Variants in FGGY observed in about 807,000 individuals in gnomAD.
FGGY encodes FGGY carbohydrate kinase domain containing.
FGGY carries 72 observed loss-of-function variants against 71.3 expected under a neutral mutation model. The observed-to-expected ratio is 1.01, with a 90% CI of 0.84 to 1.23. The LOEUF (loss-of-function observed/expected upper bound fraction) is 1.23. Among genes scored for constraint, FGGY ranks in the 50% most tolerant of loss-of-function variants. FGGY has a pLI of 0.00. For synonymous variants in FGGY, 251 were observed against 250.3 expected (o/e 1.00, Z -0.02); for missense variants, 668 against 682.3 (o/e 0.98, Z 0.23).
chr1:59,645,678 G>A (rs1450192937), intron 11 of FGGY, among the ~76,000 whole-genome samples: 1 of 152,072 alleles, frequency 6.6e-6, no homozygotes, highest in Non-Finnish European at 1.5e-5. Flanking sequence ...AATTGGCGTG[G>A]CCTTTGTTTT....
At chr1:59,687,402 G>A (rs995332769) in intron 14 of FGGY, among the ~76,000 whole-genome samples, 18 of 151,986 alleles carry the variant, frequency 1.2e-4, no homozygotes, top group African/African-American at 3.6e-4. Context: ...GTCTGCTGTC[G>A]GTAACCTCTG....
At chr1:59,651,921 T>G (rs2097166134) in intron 11 of FGGY, among the ~76,000 whole-genome samples, 4 of 152,140 alleles carry the variant, frequency 2.6e-5, no homozygotes, top group Admixed American at 1.3e-4. Context: ...TAGTGGTTCC[T>G]TCAGGAGCTC....
At chr1:59,349,148 G>T (rs548722163) in intron 4 of FGGY, among the ~76,000 whole-genome samples, 12 of 152,276 alleles carry the variant, frequency 7.9e-5, no homozygotes, top group African/African-American at 2.9e-4. Flanking sequence ...TCCCAAACAG[G>T]TGATAGAGCC....
At chr1:59,621,639 A>G (rs1279992323) in intron 9 of FGGY, among the ~76,000 whole-genome samples, 2 of 151,876 alleles carry the variant, frequency 1.3e-5, no homozygotes, top group Admixed American at 1.3e-4. Context: ...GCACCTTAAA[A>G]TGTTAGTATT....
At chr1:59,542,960 G>C (rs776146334) in intron 7 of FGGY, among the ~76,000 whole-genome samples, 1 of 152,162 alleles carries the variant, frequency 6.6e-6, no homozygotes, top group Non-Finnish European at 1.5e-5. Context: ...TGGGGCTGCT[G>C]TCCAGAGAAG....
chr1:59,517,742 G>A lies in FGGY; in HGVS notation c.799+5303G>A, dbSNP rs11583863. Among the ~76,000 whole-genome samples, 1,459 of 152,170 alleles carry A rather than the reference G, an allele frequency of 9.6e-3. 13 individuals are homozygous for A. The highest frequency in any genetic ancestry group is 0.016 in the Admixed American group (251 of 15,276). On this transcript the variant is annotated intron_variant, in intron 7 of 15. Transcript: ENST00000303721. ...CCTGTTGTTTCATACTCCCACTGCA[G>A]CAGCCTGCAGAGTGCTTTACATATG...
intron 14 of FGGY, among the ~76,000 whole-genome samples, chr1:59,678,370 CAAAT>C (rs1185763223): frequency 6.6e-6 from 1 of 152,110 alleles, no homozygotes; most frequent in Non-Finnish European, 1.5e-5. Flanking sequence ...TCTTGGAAAA[CAAAT>C]AATTATAATT....
rs922379247 is a variant in FGGY at position 59,561,403 on chromosome 1, C to T, written c.903+7176C>T. 3.9e-5 allele frequency among the ~76,000 whole-genome samples: 6 copies of T among 152,074 alleles called. 1 individual carries two copies. Among genetic ancestry groups the T allele is most frequent in the East Asian group, 1.9e-4 (1 of 5,186 alleles). ...AAGTATATGCTAGGCATTGATTCGGCGAGGAGAGGGTTGATGTGGTTCAGT... is the reference window on the plus strand; with the variant it reads ...AAGTATATGCTAGGCATTGATTCGGTGAGGAGAGGGTTGATGTGGTTCAGT... On this transcript the variant is annotated intron_variant, in intron 8 of 15. Transcript: ENST00000303721.
At chr1:59,382,056 G>A (rs1189830780) in intron 5 of FGGY, among the ~76,000 whole-genome samples, 1 of 152,238 alleles carries the variant, frequency 6.6e-6, no homozygotes, top group South Asian at 2.1e-4. Context: ...TCTTGAAAAA[G>A]ATTTAGAATC....
intron 5 of FGGY, among the ~76,000 whole-genome samples, chr1:59,383,834 G>C (rs549268243): frequency 1.3e-4 from 20 of 152,206 alleles, no homozygotes; most frequent in Admixed American, 5.9e-4. Flanking sequence ...GATCAAATCA[G>C]TATTAACCTT....
intron 7 of FGGY, among the ~76,000 whole-genome samples, chr1:59,542,514 C>T (rs1234536663): frequency 1.7e-5 from 2 of 118,086 alleles, no homozygotes; most frequent in Non-Finnish European, 3.2e-5. Context: ...GGCTGGAGTG[C>T]GATGGCACGA....
chr1:59,587,764 CAG>C (rs1223276015), intron 8 of FGGY, among the ~76,000 whole-genome samples: 1 of 152,152 alleles, frequency 6.6e-6, no homozygotes, highest in Non-Finnish European at 1.5e-5. Context: ...AACTAACAAA[CAG>C]AAAGGACATC....
intron 5 of FGGY, among the ~76,000 whole-genome samples, chr1:59,446,622 T>G (rs1475076895): frequency 6.6e-6 from 1 of 152,200 alleles, no homozygotes; most frequent in Non-Finnish European, 1.5e-5. Context: ...CAATGAGCTG[T>G]ATCTTCAGGG....
chr1:59,712,561 C>T (rs1382620217), intron 14 of FGGY, among the ~76,000 whole-genome samples: 1 of 152,206 alleles, frequency 6.6e-6, no homozygotes, highest in Non-Finnish European at 1.5e-5. Context: ...CCAGGTTTTT[C>T]CATACATCTT....
intron 7 of FGGY, among the ~76,000 whole-genome samples, chr1:59,546,184 T>C (rs1302323782): frequency 6.6e-6 from 1 of 152,128 alleles, no homozygotes. Context: ...TCAGTTAATC[T>C]CCATGATAGC....
chr1:59,493,096 AACACACAC>A lies in FGGY; in HGVS notation c.671-19187_671-19180del, dbSNP rs3035371. ...TAGGATGGCTACTATTACCAAACAA[AACACACAC>A]ACACACACACACACACACACACACA... On this transcript the variant is annotated intron_variant, in intron 6 of 15. Transcript: ENST00000303721. Among the ~76,000 whole-genome samples the A allele has an allele frequency of 6.7e-4, 96 of 143,116 alleles. 1 individual carries two copies. The highest frequency in any genetic ancestry group is 2.4e-3 in the African/African-American group (94 of 38,548). The allele number at this position is 143,116 out of a possible 152,430, so 93.9% of individuals were successfully genotyped here.
chr1:59,433,348 G>T (rs775774646), intron 5 of FGGY, among the ~76,000 whole-genome samples: 5 of 152,200 alleles, frequency 3.3e-5, no homozygotes, highest in Non-Finnish European at 5.9e-5. Flanking sequence ...AGGCCAAGGA[G>T]CCTTGAGTAG....
chr1:59,677,078 G>A (rs2097442683), intron 14 of FGGY, among the ~76,000 whole-genome samples: 1 of 152,096 alleles, frequency 6.6e-6, no homozygotes, highest in African/African-American at 2.4e-5. Flanking sequence ...TAAAATATTT[G>A]GAACTGCTTT....
In FGGY at chr1:59,380,450, G is replaced by A. The variant is rs530109298; in HGVS notation, c.554+1613G>A. 6.1e-4 allele frequency among the ~76,000 whole-genome samples: 93 copies of A among 151,448 alleles called. 1 individual carries two copies. The highest frequency in any genetic ancestry group is 3.7e-3 in the South Asian group (18 of 4,812). On this transcript the variant is annotated intron_variant, in intron 5 of 15. Transcript: ENST00000303721. ...GTTCCCATTTCTCCACATCCTCTCC[G>A]GCACCTGTTGTTTCCTGACTTTTTA...
Sources: gnomAD v4.1 joint callset for allele counts (sites outside exome capture counted in the v4.1 genomes callset) on GRCh38, gnomAD v4.1.1 for gene constraint, MANE v1.5 for transcripts, NCBI Gene and HGNC (gene_info 2026-07-23, HGNC 2026-07-21) for gene names.